Variants in ICE2 observed in about 807,000 individuals in gnomAD.
The protein encoded by ICE2 is little elongation complex subunit 2.
In ICE2, 87 loss-of-function variants were observed where a neutral mutation model predicts 105.4. The ratio of observed to expected loss-of-function variants is 0.83; its 90% CI spans 0.69 to 0.99. The LOEUF (loss-of-function observed/expected upper bound fraction) is 0.99, where lower values mean the gene tolerates loss of function less well. ICE2 is among the 50% of genes least tolerant of loss of function. The pLI is 0.00. For missense variants in ICE2, 1,323 were observed against 1,146.7 expected (o/e 1.15, Z -2.22); for synonymous variants, 399 against 392.0 (o/e 1.02, Z -0.21).
At chr15:60,476,822 C>T (rs2064775571) in intron 2 of ICE2, among the ~76,000 whole-genome samples, 2 of 152,244 alleles carry the variant, frequency 1.3e-5, no homozygotes, top group East Asian at 1.9e-4. Context: ...ATTAACGTTA[C>T]TAGGGAGGAC....
intron 12 of ICE2, chr15:60,439,126 A>C (rs1396320491): frequency 6.6e-6 from 1 of 152,242 alleles, no homozygotes; most frequent in African/African-American, 2.4e-5. Context: ...ATACAGGCTG[A>C]AACCCTACAA....
chr15:60,451,175 G>A (rs1448329900), intron 9 of ICE2: 2 of 688,636 alleles, frequency 2.9e-6, no homozygotes, highest in Non-Finnish European at 3.6e-6. Flanking sequence ...AAGTCAATGA[G>A]ATACTGTCTC....
chr15:60,475,996 ATAAAACT>A (rs1427631619), intron 3 of ICE2, 60 bp downstream of exon 3: 1 of 1,064,962 alleles, frequency 9.4e-7, no homozygotes, highest in Admixed American at 2.6e-5. Flanking sequence ...AGAGATACAC[ATAAAACT>A]TCAACTATCA....
chr15:60,455,375 T>C lies in ICE2; in HGVS notation c.734A>G (p.Asp245Gly). ...MPIKLQLSKD[D>G]IATIETSEQT... ...TTCTGACGTTTCAATGGTAGCTATATCGTCCTTTGACAGCTGCAACTTTAT... is the reference window on the plus strand; with the variant it reads ...TTCTGACGTTTCAATGGTAGCTATACCGTCCTTTGACAGCTGCAACTTTAT... The change falls in exon 7 of 16, where the codon GAT (aspartate) becomes GGT (glycine). Residue 245 changes from aspartate to glycine, a missense_variant. Asp to Gly is a moderately conservative substitution (Grantham distance 94, BLOSUM62 -1). Coordinates refer to ENST00000261520, the MANE Select transcript of ICE2 (RefSeq NM_024611.6). 1 of 1,614,052 alleles carries C rather than the reference T, an allele frequency of 6.2e-7. No individual in the cohort carries two copies. Among genetic ancestry groups the C allele is most frequent in the Non-Finnish European group, 8.5e-7 (1 of 1,179,944 alleles).
chr15:60,456,566 AATAT>A (rs55754214), intron 6 of ICE2, 87 bp downstream of exon 6: 32 of 64,584 alleles, frequency 5.0e-4, no homozygotes, highest in Middle Eastern at 6.1e-3. Context: ...TAAATAAATA[AATAT>A]ATATATATAT....
chr15:60,454,671 T>C (rs533179377), intron 8 of ICE2: 2 of 182,308 alleles, frequency 1.1e-5, no homozygotes, highest in Admixed American at 6.1e-5. Flanking sequence ...TGAAATGAAA[T>C]GGTTCCAACC....
intron 3 of ICE2, among the ~76,000 whole-genome samples, chr15:60,468,778 A>G (rs1182011773): frequency 6.6e-6 from 1 of 152,230 alleles, no homozygotes; most frequent in African/African-American, 2.4e-5. Flanking sequence ...AAATTCACTG[A>G]GATTCTAAAT....
chr15:60,425,881 T>TA (rs2063329366), intron 15 of ICE2, among the ~76,000 whole-genome samples: 1 of 152,138 alleles, frequency 6.6e-6, no homozygotes, highest in African/African-American at 2.4e-5. Flanking sequence ...GGGAAGAAGA[T>TA]GGGGTAATTC....
At chr15:60,432,125 C>T in intron 13 of ICE2, 141 bp from the exon 14 acceptor site, 3 of 335,576 alleles carry the variant, frequency 8.9e-6, no homozygotes, top group Non-Finnish European at 1.1e-5. Context: ...AAATCTGAAA[C>T]TTATTTCTAT....
chr15:60,423,870 CTT>C, intron 15 of ICE2, 108 bp from the exon 16 acceptor site: 8 of 1,012,412 alleles, frequency 7.9e-6, no homozygotes, highest in Non-Finnish European at 9.3e-6. Flanking sequence ...CAAATAAGCT[CTT>C]ATATATTTTT....
rs2064484318 is a variant in ICE2 at position 60,468,201 on chromosome 15, G to T, written c.268C>A (p.Pro90Thr). 1.2e-6 allele frequency: 2 copies of T among 1,613,936 alleles called. No individual in the cohort carries two copies. Among genetic ancestry groups the T allele is most frequent in the African/African-American group, 2.7e-5 (2 of 74,922 alleles). ...TTIGMVLLPKPRVPYPRFSRF... is the reference protein window; with the variant it reads ...TTIGMVLLPKTRVPYPRFSRF... ...GAGAAACGAGGATAAGGAACTCTTG[G>T]TTTTGGAAGAAGAACCATTCCAATT... Residue 90 changes from proline to threonine, a missense_variant, in exon 4 of 16, where the codon CCA becomes ACA. Coordinates refer to ENST00000261520, the MANE Select transcript of ICE2 (RefSeq NM_024611.6).
chr15:60,428,795 C>T (rs1566967757), intron 14 of ICE2, 108 bp from the exon 15 acceptor site: 1 of 1,102,656 alleles, frequency 9.1e-7, no homozygotes, highest in Non-Finnish European at 1.3e-6. Context: ...GAAGATCACA[C>T]CACCTCTAAA....
At chr15:60,429,678 C>A (rs192407821) in intron 14 of ICE2, among the ~76,000 whole-genome samples, 1 of 152,184 alleles carries the variant, frequency 6.6e-6, no homozygotes, top group East Asian at 1.9e-4. Context: ...TGCCTATAAA[C>A]CTAATCGGTT....
At chr15:60,474,641 G>A (rs2064704193) in intron 3 of ICE2, among the ~76,000 whole-genome samples, 1 of 152,068 alleles carries the variant, frequency 6.6e-6, no homozygotes, top group East Asian at 1.9e-4. Flanking sequence ...TTATTGATAG[G>A]GAAGGACTTA....
chr15:60,436,720 CAAAAAAAA>C (rs58594280), intron 12 of ICE2, among the ~76,000 whole-genome samples: 1 of 88,014 alleles, frequency 1.1e-5, no homozygotes, highest in Non-Finnish European at 2.2e-5. Flanking sequence ...GACTCTGTCT[CAAAAAAAA>C]AAAAAAAAAA....
chr15:60,432,181 CTTTTT>C (rs35081421), intron 13 of ICE2, among the ~76,000 whole-genome samples, 197 bp from the exon 14 acceptor site: 1 of 110,644 alleles, frequency 9.0e-6, no homozygotes. Flanking sequence ...AAAAAATTTC[CTTTTT>C]TTTTTTTTTT....
rs1491167359 is a variant in ICE2, at chr15:60,456,609, ACT to A, written c.666+46_666+47del. On this transcript the variant is annotated intron_variant, in intron 6 of 15. Coordinates refer to ENST00000261520, the MANE Select transcript of ICE2 (RefSeq NM_024611.6). Reference sequence around the variant, plus strand: ...TACACACACACACACACACACACACACTATTTCAGACAAAAAAAAGCTTATAT... The same window carrying A: ...TACACACACACACACACACACACACAATTTCAGACAAAAAAAAGCTTATAT... 3,061 of 1,001,844 alleles carry A rather than the reference ACT, an allele frequency of 3.1e-3. 510 individuals are homozygous for A. The highest frequency in any genetic ancestry group is 3.9e-3 in the Non-Finnish European group (2,726 of 706,148). The allele number at this position is 1,001,844 out of a possible 1,614,324, so 62.1% of individuals were successfully genotyped here. A position where few individuals can be genotyped will look rare whatever the true frequency, so the allele number is the denominator to read the frequency against.
chr15:60,456,909 T>C (rs1391607550), intron 5 of ICE2, 115 bp from the exon 6 acceptor site: 1 of 483,314 alleles, frequency 2.1e-6, no homozygotes, highest in African/African-American at 2.0e-5. Context: ...CCCGATTTCA[T>C]TAATCAAGCT....
At chr15:60,460,667 T>C (rs1159759303) in intron 5 of ICE2, among the ~76,000 whole-genome samples, 11 of 152,182 alleles carry the variant, frequency 7.2e-5, no homozygotes, top group Non-Finnish European at 1.5e-5. Flanking sequence ...TGTAGGATAT[T>C]TAGTAGCACC....
Sources: gnomAD v4.1 joint callset for allele counts (sites outside exome capture counted in the v4.1 genomes callset) on GRCh38, gnomAD v4.1.1 for gene constraint, MANE v1.5 for transcripts, NCBI Gene and HGNC (gene_info 2026-07-23, HGNC 2026-07-21) for gene names.